The following CCSER1 variants were observed in gnomAD, a reference collection of about 807,000 sequenced individuals.
The protein encoded by CCSER1 is serine-rich coiled-coil domain-containing protein 1.
Under a neutral mutation model 82.0 loss-of-function variants are expected in CCSER1, and 41 were observed. That is an observed-to-expected ratio of 0.50 (90% confidence interval 0.39 to 0.65). The LOEUF is 0.65. Ranked by LOEUF, CCSER1 falls within the 30% of genes least tolerant of loss-of-function variation. The pLI, the probability that CCSER1 is intolerant of heterozygous loss-of-function variation, is 0.00. For synonymous variants in CCSER1, 414 were observed against 383.9 expected (o/e 1.08, Z -0.92); for missense variants, 1,119 against 1,064.2 (o/e 1.05, Z -0.72).
At chr4:90,812,391 C>T (rs1758467435) in intron 7 of CCSER1, among the ~76,000 whole-genome samples, 1 of 152,110 alleles carries the variant, frequency 6.6e-6, no homozygotes, top group Admixed American at 6.6e-5. Flanking sequence ...AACCATCACA[C>T]CAGCATAGAG....
At chr4:90,776,390 TAGA>T (rs1200423978) in intron 7 of CCSER1, among the ~76,000 whole-genome samples, 1 of 152,156 alleles carries the variant, frequency 6.6e-6, no homozygotes, top group African/African-American at 2.4e-5. Context: ...TCAAAGATAA[TAGA>T]AGATTACACA....
chr4:90,942,958 A>G (rs921239326), intron 9 of CCSER1, among the ~76,000 whole-genome samples: 4 of 148,372 alleles, frequency 2.7e-5, no homozygotes, highest in East Asian at 1.9e-4. Flanking sequence ...TCATATATAT[A>G]TATATATTAA....
chr4:90,943,898 A>G (rs1304816115), intron 9 of CCSER1, among the ~76,000 whole-genome samples: 3 of 151,256 alleles, frequency 2.0e-5, no homozygotes, highest in Non-Finnish European at 4.4e-5. Flanking sequence ...ATCGGAAGGT[A>G]AACTTTAGAA....
intron 5 of CCSER1, among the ~76,000 whole-genome samples, chr4:90,564,407 A>G (rs1230120581): frequency 6.6e-6 from 1 of 152,168 alleles, no homozygotes; most frequent in Non-Finnish European, 1.5e-5. Context: ...TGAGTTTTGC[A>G]TATATTCTGG....
chr4:90,325,475 T>G (rs941404663), intron 3 of CCSER1: 2 of 179,010 alleles, frequency 1.1e-5, no homozygotes, highest in Non-Finnish European at 2.5e-5. Flanking sequence ...TATTTTTAAT[T>G]GGATCAGTTA....
chr4:90,845,359 TA>T (rs886923723), intron 8 of CCSER1, among the ~76,000 whole-genome samples: 11,281 of 96,498 alleles, frequency 0.12, 444 homozygotes, highest in Admixed American at 0.19. Context: ...AGACGCCATC[TA>T]AAAAAAAAAA....
intron 1 of CCSER1, among the ~76,000 whole-genome samples, chr4:90,280,295 A>T (rs995857745): frequency 5.3e-5 from 8 of 151,852 alleles, no homozygotes; most frequent in Non-Finnish European, 1.0e-4. Flanking sequence ...TCCCTGAACA[A>T]ATCATGAAGT....
At chr4:91,354,049 TGATA>T (rs768178262) in intron 10 of CCSER1, among the ~76,000 whole-genome samples, 27 of 152,200 alleles carry the variant, frequency 1.8e-4, no homozygotes, top group Admixed American at 1.0e-3. Flanking sequence ...TAGTCTATTT[TGATA>T]GATAGCATTT....
intron 10 of CCSER1, among the ~76,000 whole-genome samples, chr4:91,380,880 G>A (rs944519030): frequency 5.3e-5 from 8 of 152,168 alleles, no homozygotes; most frequent in Non-Finnish European, 1.0e-4. Context: ...TGCAGTGGCT[G>A]GTACTGGTTG....
intron 1 of CCSER1, among the ~76,000 whole-genome samples, chr4:90,305,824 C>T (rs1165152127): frequency 1.3e-5 from 2 of 152,150 alleles, no homozygotes; most frequent in African/African-American, 4.8e-5. Flanking sequence ...AATCCTACTT[C>T]TGGGTATATA....
intron 10 of CCSER1, among the ~76,000 whole-genome samples, chr4:91,397,816 A>G (rs972834649): frequency 6.6e-6 from 1 of 152,036 alleles, no homozygotes; most frequent in Admixed American, 6.6e-5. Flanking sequence ...GCAATGTGAA[A>G]GCAAATGTGA....
At chr4:90,547,404 A>G (rs1776906178) in intron 5 of CCSER1, among the ~76,000 whole-genome samples, 1 of 152,012 alleles carries the variant, frequency 6.6e-6, no homozygotes. Flanking sequence ...GGAAAACATC[A>G]TTTCTATTAA....
At chr4:91,098,628 G>A (rs572584855) in intron 10 of CCSER1, among the ~76,000 whole-genome samples, 23 of 151,226 alleles carry the variant, frequency 1.5e-4, no homozygotes, top group Admixed American at 5.9e-4. Flanking sequence ...TGCAAGCTCC[G>A]CCTCCCGGGT....
chr4:91,157,075 G>A (rs60882174), intron 10 of CCSER1, among the ~76,000 whole-genome samples: 1 of 151,842 alleles, frequency 6.6e-6, no homozygotes, highest in Non-Finnish European at 1.5e-5. Flanking sequence ...CTGTGCTAGA[G>A]TCTTGTGCAG....
chr4:90,727,403 A>T (rs1322344895), intron 7 of CCSER1: 1 of 397,110 alleles, frequency 2.5e-6, no homozygotes, highest in East Asian at 7.1e-5. Flanking sequence ...TTAGCCATTA[A>T]GTTTTTTATA....
At chr4:91,214,184 T>C (rs1251241781) in intron 10 of CCSER1, among the ~76,000 whole-genome samples, 1 of 152,172 alleles carries the variant, frequency 6.6e-6, no homozygotes, top group Non-Finnish European at 1.5e-5. Flanking sequence ...GAATTTCTTC[T>C]TATTCAAATT....
chr4:91,589,483 T>A (rs978919217), intron 10 of CCSER1, among the ~76,000 whole-genome samples: 1 of 151,990 alleles, frequency 6.6e-6, no homozygotes, highest in East Asian at 1.9e-4. Context: ...AAGATTTTTT[T>A]AAGATTATTA....
rs554737188 is a variant in CCSER1, at chr4:91,514,334, T to C, written c.2218-84238T>C. 2.6e-5 allele frequency among the ~76,000 whole-genome samples: 4 copies of C among 152,320 alleles called. No individual in the cohort carries two copies. The South Asian group carries it at 8.3e-4, about 32-fold the overall frequency. ...AATCCCAGAATATGGTTGGTATGAT[T>C]TTGATTTTTTGCTTTATTGAGACTT... On this transcript the variant is annotated intron_variant, in intron 10 of 10. Coordinates refer to ENST00000509176, the MANE Select transcript of CCSER1 (RefSeq NM_001145065.2).
intron 10 of CCSER1, among the ~76,000 whole-genome samples, chr4:91,197,093 T>C (rs565878373): frequency 6.6e-6 from 1 of 152,166 alleles, no homozygotes; most frequent in Non-Finnish European, 1.5e-5. Context: ...CAGAAACACA[T>C]GAAAGAACTA....
Sources: gnomAD v4.1 joint callset for allele counts (sites outside exome capture counted in the v4.1 genomes callset) on GRCh38, gnomAD v4.1.1 for gene constraint, MANE v1.5 for transcripts, NCBI Gene and HGNC (gene_info 2026-07-23, HGNC 2026-07-21) for gene names.